The following CTNNA3 variants were observed in gnomAD, a reference collection of about 807,000 sequenced individuals.
CTNNA3 encodes catenin alpha 3.
Under a neutral mutation model 95.7 loss-of-function variants are expected in CTNNA3, and 76 were observed. The observed-to-expected ratio is 0.79, with a 90% CI of 0.66 to 0.96. CTNNA3 has a LOEUF of 0.96. Among genes scored for constraint, CTNNA3 ranks in the 40% least tolerant of loss-of-function variants. The pLI is 0.00. For missense variants in CTNNA3, 1,191 were observed against 1,089.8 expected, an observed-to-expected ratio of 1.09 and a Z score of -1.31; for synonymous variants, 431 against 374.4, an observed-to-expected ratio of 1.15 and a Z score of -1.74.
At chr10:67,750,703 G>C (rs1329201379) in intron 1 of CTNNA3, 2 of 1,565,210 alleles carry the variant, frequency 1.3e-6, no homozygotes, top group East Asian at 4.5e-5. Flanking sequence ...GTTCTTGGAT[G>C]CCTGGGAGGC....
intron 12 of CTNNA3, among the ~76,000 whole-genome samples, chr10:66,317,699 G>A (rs574079180): frequency 5.4e-4 from 64 of 118,850 alleles, no homozygotes; most frequent in African/African-American, 1.6e-3. Flanking sequence ...TTTAAAATGA[G>A]AAAAGAAATT....
At chr10:66,278,436 T>C (rs2091436343) in intron 13 of CTNNA3, among the ~76,000 whole-genome samples, 1 of 151,858 alleles carries the variant, frequency 6.6e-6, no homozygotes, top group Admixed American at 6.6e-5. Flanking sequence ...TGAGAAAAAG[T>C]TAACAGAAAT....
At chr10:66,504,225 C>T (rs1433418472) in intron 11 of CTNNA3, among the ~76,000 whole-genome samples, 1 of 152,100 alleles carries the variant, frequency 6.6e-6, no homozygotes, top group Non-Finnish European at 1.5e-5. Context: ...TACCAGCAGT[C>T]CTTGGTAACC....
chr10:66,206,985 A>C (rs1183525191), intron 13 of CTNNA3, among the ~76,000 whole-genome samples: 1 of 152,014 alleles, frequency 6.6e-6, no homozygotes, highest in East Asian at 1.9e-4. Context: ...TTCTAATGGC[A>C]GTCTCTTGGC....
At chr10:67,106,694 G>A (rs1163471828) in intron 7 of CTNNA3, among the ~76,000 whole-genome samples, 2 of 152,148 alleles carry the variant, frequency 1.3e-5, no homozygotes, top group Non-Finnish European at 2.9e-5. Context: ...CCAGTTGACT[G>A]ATATATTGAA....
At chr10:66,805,276 A>C in intron 7 of CTNNA3, among the ~76,000 whole-genome samples, 1 of 151,876 alleles carries the variant, frequency 6.6e-6, no homozygotes, top group East Asian at 1.9e-4. Flanking sequence ...CGTGTGTACA[A>C]CTATATGCTG....
At chr10:66,313,863 A>AGAAAAAT (rs1202481648) in intron 12 of CTNNA3, among the ~76,000 whole-genome samples, 1 of 152,210 alleles carries the variant, frequency 6.6e-6, no homozygotes, top group Non-Finnish European at 1.5e-5. Flanking sequence ...ACAAGAAGGC[A>AGAAAAAT]AATGGGTCAG....
chr10:66,003,329 G>GGTGTGTGTGTGTGTGT (rs376512211), intron 15 of CTNNA3, among the ~76,000 whole-genome samples: 6 of 149,940 alleles, frequency 4.0e-5, no homozygotes, highest in African/African-American at 1.5e-4. Flanking sequence ...TGGTGGTGGT[G>GGTGTGTGTGTGTGTGT]GTGTGTGTGT....
intron 11 of CTNNA3, among the ~76,000 whole-genome samples, chr10:66,516,703 T>G: frequency 6.6e-6 from 1 of 152,184 alleles, no homozygotes; most frequent in Non-Finnish European, 1.5e-5. Flanking sequence ...AATTTTCTTT[T>G]GCCGGTAATT....
In CTNNA3 at chr10:66,966,522, A is replaced by AAAT. The variant is rs145141934; in HGVS notation, c.1048-190999_1048-190998insATT. Among the ~76,000 whole-genome samples the AAAT allele has an allele frequency of 4.1e-3, 631 of 152,250 alleles. 35 individuals are homozygous for AAAT. In the East Asian group the frequency reaches 0.1, roughly 25 times the overall value. ...AGGATATACCTTTCAGATTATTCAA[A>AAAT]GAAATAGCTAAAAATGAGCTATCAG... is the stretch of plus-strand genomic sequence containing the variant. On this transcript the variant is annotated intron_variant, in intron 7 of 17. Coordinates refer to ENST00000433211, the MANE Select transcript of CTNNA3 (RefSeq NM_013266.4).
chr10:67,639,145 T>C (rs904426502), intron 2 of CTNNA3, among the ~76,000 whole-genome samples: 8 of 151,798 alleles, frequency 5.3e-5, no homozygotes, highest in East Asian at 1.9e-4. Flanking sequence ...AAGAATCAAA[T>C]AGACCCAATA....
At chr10:66,344,182 G>A (rs9732128) in intron 12 of CTNNA3, among the ~76,000 whole-genome samples, 24 of 146,134 alleles carry the variant, frequency 1.6e-4, no homozygotes, top group Admixed American at 5.5e-4. Context: ...AGCCGAGATC[G>A]CACCATTGCA....
In CTNNA3 at chr10:67,560,196, A is replaced by G. The variant is rs192020147; in HGVS notation, c.293-20527T>C. Among the ~76,000 whole-genome samples the G allele has an allele frequency of 2.4e-4, 37 of 152,294 alleles. No homozygotes were observed. The East Asian group carries it at 6.6e-3, about 27-fold the overall frequency. On this transcript the variant is annotated intron_variant, in intron 3 of 17. Coordinates refer to ENST00000433211, the MANE Select transcript of CTNNA3 (RefSeq NM_013266.4). ...AAGACACATAATTGTTAGATTCACC[A>G]AAGTTGAAATGAAGGAAAAAACGGT...
intron 6 of CTNNA3, among the ~76,000 whole-genome samples, chr10:67,196,848 T>C (rs1364586806): frequency 6.6e-6 from 1 of 152,112 alleles, no homozygotes; most frequent in African/African-American, 2.4e-5. Flanking sequence ...CATAATATTA[T>C]AGACTGAGGC....
intron 5 of CTNNA3, among the ~76,000 whole-genome samples, chr10:67,466,833 C>G (rs759526808): frequency 6.6e-6 from 1 of 152,114 alleles, no homozygotes; most frequent in Non-Finnish European, 1.5e-5. Context: ...AACTTAATAC[C>G]AGACTCTAAC....
At chr10:67,069,557 G>GCCCCACCCCACCCCACCCCA (rs549930721) in intron 7 of CTNNA3, among the ~76,000 whole-genome samples, 3 of 96,362 alleles carry the variant, frequency 3.1e-5, no homozygotes, top group East Asian at 6.4e-4. Context: ...ACAGCAGCCC[G>GCCCCACCCCACCCCACCCCA]CCCCACCCCA....
At chr10:66,367,593 A>G (rs1268922991) in intron 12 of CTNNA3, among the ~76,000 whole-genome samples, 1 of 149,768 alleles carries the variant, frequency 6.7e-6, no homozygotes, top group Non-Finnish European at 1.5e-5. Flanking sequence ...ATGTGACACT[A>G]AAATCTGGTT....
At chr10:66,208,186 G>C (rs2199531) in intron 13 of CTNNA3, among the ~76,000 whole-genome samples, 119,123 of 151,998 alleles carry the variant, frequency 0.78, 46,864 homozygotes, top group South Asian at 0.91. Context: ...TTTCTCATCT[G>C]CGGGGTAAGA....
chr10:67,010,732 A>G (rs2133035464), intron 7 of CTNNA3, among the ~76,000 whole-genome samples: 1 of 152,350 alleles, frequency 6.6e-6, no homozygotes, highest in African/African-American at 2.4e-5. Flanking sequence ...CTTTCGACTC[A>G]GCCAACCAAC....
Sources: allele counts gnomAD v4.1 joint callset (sites outside exome capture counted in the v4.1 genomes callset), GRCh38; gene constraint gnomAD v4.1.1; transcripts MANE v1.5; gene names NCBI Gene and HGNC (gene_info 2026-07-23, HGNC 2026-07-21).